The following ISCA1 variants were observed in gnomAD, a reference collection of about 807,000 sequenced individuals.
The protein encoded by ISCA1 is iron-sulfur cluster assembly 1 homolog, mitochondrial.
A neutral mutation model predicts 14.7 loss-of-function variants in ISCA1; 9 were observed. The observed-to-expected ratio is 0.61, with a 90% confidence interval of 0.37 to 1.07. The LOEUF (loss-of-function observed/expected upper bound fraction) is 1.07. ISCA1 is among the 50% of genes least tolerant of loss of function. The probability of loss-of-function intolerance (pLI) is 0.01; values close to 1 mark genes in which losing one functional copy is unlikely to be tolerated. For synonymous variants in ISCA1, 38 were observed against 54.3 expected, an observed-to-expected ratio of 0.70 and a Z score of 1.32; for missense variants, 102 against 150.1, an observed-to-expected ratio of 0.68 and a Z score of 1.67.
chr9:86,270,959 G>A (rs1470757645), intron 3 of ISCA1, among the ~76,000 whole-genome samples: 2 of 108,520 alleles, frequency 1.8e-5, no homozygotes, highest in African/African-American at 7.0e-5. Flanking sequence ...GGGGGAGGGG[G>A]GAGGGATAGC....
intron 1 of ISCA1, among the ~76,000 whole-genome samples, chr9:86,281,583 TA>T (rs1423860711): frequency 6.6e-6 from 1 of 152,224 alleles, no homozygotes; most frequent in Non-Finnish European, 1.5e-5. Context: ...TTGTACCCTT[TA>T]AAAGGACTAA....
intron 3 of ISCA1, 121 bp from the exon 4 acceptor site, chr9:86,266,312 A>G (rs1417717493): frequency 1.4e-6 from 2 of 1,397,126 alleles, no homozygotes; most frequent in African/African-American, 1.4e-5. Flanking sequence ...AGCCTTGAAC[A>G]TTTTAAATTA....
intron 2 of ISCA1, among the ~76,000 whole-genome samples, chr9:86,273,329 G>C (rs1825397239): frequency 6.6e-6 from 1 of 152,154 alleles, no homozygotes; most frequent in Admixed American, 6.6e-5. Flanking sequence ...CAACAATTCT[G>C]TATCTAGGAA....
rs1247909589 is a variant in ISCA1, at chr9:86,265,848, AAG to A, written c.*193_*194del. ...ATACAAGAGACCTAAATGATCCAAA[AAG>A]AGTGATGGCTTCTCATTTTCTGTCC... On this transcript the variant is annotated 3_prime_UTR_variant, in exon 4 of 4. Transcript: ENST00000375991. 1 of 915,662 alleles carries A rather than the reference AAG, an allele frequency of 1.1e-6. No homozygotes were observed. The highest frequency in any genetic ancestry group is 1.7e-6 in the Non-Finnish European group (1 of 575,218). 56.7% of individuals were successfully genotyped at this position (915,662 alleles called of 1,614,324 possible). A position where few individuals can be genotyped will look rare whatever the true frequency, so the allele number is the denominator to read the frequency against.
At chr9:86,268,376 A>G (rs1188156283) in intron 3 of ISCA1, among the ~76,000 whole-genome samples, 1 of 151,826 alleles carries the variant, frequency 6.6e-6, no homozygotes, top group African/African-American at 2.4e-5. Flanking sequence ...AGCTTATAGA[A>G]TAAGAACGTA....
At chr9:86,274,588 G>A (rs1825418405) in intron 1 of ISCA1, among the ~76,000 whole-genome samples, 1 of 152,152 alleles carries the variant, frequency 6.6e-6, no homozygotes, top group Non-Finnish European at 1.5e-5. Flanking sequence ...GAACCAGCAT[G>A]TTGCCTACGA....
intron 3 of ISCA1, among the ~76,000 whole-genome samples, chr9:86,270,598 T>C (rs1233308705): frequency 1.3e-5 from 2 of 152,016 alleles, no homozygotes; most frequent in Non-Finnish European, 2.9e-5. Flanking sequence ...ACTGGGTATA[T>C]ACCCAAAGGA....
intron 3 of ISCA1, among the ~76,000 whole-genome samples, chr9:86,268,929 G>C (rs940405272): frequency 6.6e-6 from 1 of 152,044 alleles, no homozygotes; most frequent in African/African-American, 2.4e-5. Context: ...CCAGTAGCTG[G>C]GACTACAGGC....
chr9:86,272,243 T>G, intron 2 of ISCA1, 131 bp from the exon 3 acceptor site: 2 of 668,602 alleles, frequency 3.0e-6, no homozygotes, highest in Non-Finnish European at 5.4e-6. Context: ...AGGGTCTCAC[T>G]ATGTAGCCCA....
At chr9:86,267,717 C>T (rs931897934) in intron 3 of ISCA1, 9 of 394,442 alleles carry the variant, frequency 2.3e-5, no homozygotes, top group African/African-American at 6.6e-5. Context: ...CCTATAATCC[C>T]AGCTACTTGG....
At chr9:86,275,655 AGTATCTGT>A (rs1451268042) in intron 1 of ISCA1, among the ~76,000 whole-genome samples, 1 of 152,230 alleles carries the variant, frequency 6.6e-6, no homozygotes, top group African/African-American at 2.4e-5. Flanking sequence ...ATTAATATAT[AGTATCTGT>A]GTATATACAT....
rs1025707987 is a variant in ISCA1 at position 86,265,711 on chromosome 9, C to A, written c.*332G>T. ...GTCACCGATCTGGTTGGGAGAAATG[C>A]TGAGGGATGATCAAGCCATCAATAG... On this transcript the variant is annotated 3_prime_UTR_variant, in exon 4 of 4. Transcript: ENST00000375991. 9.7e-6 allele frequency: 3 copies of A among 308,188 alleles called. No individual in the cohort carries two copies. Among genetic ancestry groups the A allele is most frequent in the East Asian group, 1.6e-4 (2 of 12,476 alleles). 19.1% of individuals were successfully genotyped at this position (308,188 alleles called of 1,614,324 possible).
At chr9:86,270,434 C>G (rs2131221901) in intron 3 of ISCA1, among the ~76,000 whole-genome samples, 1 of 150,208 alleles carries the variant, frequency 6.7e-6, no homozygotes, top group South Asian at 2.1e-4. Context: ...ATTAAAAAGT[C>G]AGGAAACAAC....
In ISCA1 at chr9:86,281,569, T is replaced by C. The variant is rs775103844; in HGVS notation, c.81+809A>G. Reference sequence around the variant, plus strand: ...ACACTGTGAATGTCTTAAATGGCACTGAATTGTACCCTTTAAAAGGACTAA... The same window carrying C: ...ACACTGTGAATGTCTTAAATGGCACCGAATTGTACCCTTTAAAAGGACTAA... On this transcript the variant is annotated intron_variant, in intron 1 of 3. Transcript: ENST00000375991. 5.3e-5 allele frequency among the ~76,000 whole-genome samples: 8 copies of C among 152,256 alleles called. No homozygotes were observed. In the East Asian group the frequency reaches 7.7e-4, roughly 15 times the overall value.
At chr9:86,274,388 A>T (rs1024164179) in intron 1 of ISCA1, 146 bp from the exon 2 acceptor site, 7 of 606,888 alleles carry the variant, frequency 1.2e-5, no homozygotes, top group African/African-American at 1.1e-4. Context: ...CTTTATATAG[A>T]AACACATAAA....
chr9:86,267,224 CAACA>C (rs1825301726), intron 3 of ISCA1: 3 of 617,900 alleles, frequency 4.9e-6, no homozygotes, highest in Non-Finnish European at 4.0e-6. Flanking sequence ...GACTCTGTCT[CAACA>C]AACAAACAAA....
intron 2 of ISCA1, 64 bp downstream of exon 2, chr9:86,274,125 G>A: frequency 3.4e-6 from 3 of 894,886 alleles, no homozygotes. Context: ...GTATATCATG[G>A]GATAAATTCA....
chr9:86,269,823 C>G (rs1352887556), intron 3 of ISCA1, among the ~76,000 whole-genome samples: 2 of 152,000 alleles, frequency 1.3e-5, no homozygotes, highest in Non-Finnish European at 2.9e-5. Flanking sequence ...ACAAACCTGA[C>G]AAAAACAAGC....
intron 1 of ISCA1, among the ~76,000 whole-genome samples, chr9:86,276,407 C>A (rs555674855): frequency 6.6e-6 from 1 of 152,122 alleles, no homozygotes; most frequent in Non-Finnish European, 1.5e-5. Flanking sequence ...GGACTGGGGA[C>A]CCCTGTTCTA....
Sources: gnomAD v4.1 joint callset for allele counts (sites outside exome capture counted in the v4.1 genomes callset) on GRCh38, gnomAD v4.1.1 for gene constraint, MANE v1.5 for transcripts, NCBI Gene and HGNC (gene_info 2026-07-23, HGNC 2026-07-21) for gene names.